The following SNAP91 variants were observed in gnomAD, a reference collection of about 807,000 sequenced individuals.
The protein encoded by SNAP91 is clathrin coat assembly protein AP180.
In SNAP91, 27 loss-of-function variants were observed where a neutral mutation model predicts 100.3. The observed-to-expected ratio is 0.27, with a 90% CI of 0.20 to 0.37. The LOEUF (loss-of-function observed/expected upper bound fraction) is 0.37. Ranked by LOEUF, SNAP91 falls within the 10% of genes least tolerant of loss-of-function variation. The probability of loss-of-function intolerance (pLI) is 1.00; values close to 1 mark genes in which losing one functional copy is unlikely to be tolerated. For missense variants in SNAP91, 986 were observed against 1,123.7 expected (o/e 0.88, Z 1.75); for synonymous variants, 404 against 398.6 (o/e 1.01, Z -0.16).
In SNAP91 at chr6:83,661,905, A is replaced by G. The variant is rs2098550445; in HGVS notation, c.350-301T>C. Among the ~76,000 whole-genome samples the G allele has an allele frequency of 2.6e-5, 4 of 152,214 alleles. No individual in the cohort carries two copies. In the South Asian group the frequency reaches 8.3e-4, roughly 31 times the overall value. ...AGTTTCAGACTTAATTCATGCAGCC[A>G]TCTGATAATGTTCCATTTGCTTGAT... On this transcript the variant is annotated intron_variant, in intron 4 of 29. Coordinates refer to ENST00000369694, the MANE Select transcript of SNAP91 (RefSeq NM_001242792.2).
intron 2 of SNAP91, among the ~76,000 whole-genome samples, chr6:83,678,457 T>C (rs755101): frequency 0.21 from 32,450 of 152,066 alleles, 4,289 homozygotes; most frequent in East Asian, 0.4. Context: ...GTTTCATAAA[T>C]GGGACTCAAA....
intron 8 of SNAP91, among the ~76,000 whole-genome samples, chr6:83,632,655 T>A (rs543101687): frequency 3.7e-4 from 57 of 152,232 alleles, no homozygotes; most frequent in Non-Finnish European, 6.5e-4. Flanking sequence ...GGTTTCTTTC[T>A]TCTACATGTT....
intron 8 of SNAP91, among the ~76,000 whole-genome samples, chr6:83,629,064 T>A (rs2097097447): frequency 6.6e-6 from 1 of 152,176 alleles, no homozygotes; most frequent in Non-Finnish European, 1.5e-5. Flanking sequence ...GAGGATCCAG[T>A]TTTATTCTCC....
intron 8 of SNAP91, among the ~76,000 whole-genome samples, chr6:83,633,897 G>T (rs1400219710): frequency 6.6e-6 from 1 of 151,238 alleles, no homozygotes; most frequent in Non-Finnish European, 1.5e-5. Context: ...TGGCCAAGAG[G>T]CTTCTCAATC....
At chr6:83,632,647 T>C (rs941186233) in intron 8 of SNAP91, among the ~76,000 whole-genome samples, 2 of 152,190 alleles carry the variant, frequency 1.3e-5, no homozygotes, top group Non-Finnish European at 2.9e-5. Flanking sequence ...GAGCTATGGG[T>C]TTCTTTCTTC....
intron 2 of SNAP91, among the ~76,000 whole-genome samples, chr6:83,695,490 A>C (rs2099193987): frequency 6.6e-6 from 1 of 152,100 alleles, no homozygotes; most frequent in Admixed American, 6.6e-5. Context: ...TCAATTTTGC[A>C]TTCTCCTATA....
intron 3 of SNAP91, 71 bp from the exon 4 acceptor site, chr6:83,662,493 C>T (rs1484952529): frequency 4.4e-5 from 25 of 562,608 alleles, no homozygotes; most frequent in Admixed American, 8.5e-5. Context: ...GACACTAAAG[C>T]GATTTTTTTT....
intron 8 of SNAP91, among the ~76,000 whole-genome samples, chr6:83,625,933 A>C (rs2096911582): frequency 1.3e-5 from 2 of 152,090 alleles, no homozygotes; most frequent in Non-Finnish European, 2.9e-5. Flanking sequence ...TTGGTCATAA[A>C]TTCTTTGCCA....
In SNAP91 at chr6:83,682,172, C is replaced by CTTT. The variant is rs59549595; in HGVS notation, c.131-16594_131-16592dup. Among the ~76,000 whole-genome samples the CTTT allele has an allele frequency of 4.5e-4, 55 of 123,482 alleles. 1 individual carries two copies. Among genetic ancestry groups the CTTT allele is most frequent in the Admixed American group, 4.3e-3 (47 of 11,058 alleles). 81.0% of individuals were successfully genotyped at this position (123,482 alleles called of 152,430 possible). On this transcript the variant is annotated intron_variant, in intron 2 of 29. Coordinates refer to ENST00000369694, the MANE Select transcript of SNAP91 (RefSeq NM_001242792.2). ...TCTACTCTGTCATTATTCTTTAATT[C>CTTT]TTTTTTTTTTTTTTTTTTTCCTTGA...
rs191690574 is a variant in SNAP91 at position 83,670,026 on chromosome 6, T to A, written c.131-4445A>T. ...GGTAATTTTCTAGAAGTAGAATAGT[T>A]GAGTCATTTTTAAGTAAACATTTAA... On this transcript the variant is annotated intron_variant, in intron 2 of 29. Coordinates refer to ENST00000369694, the MANE Select transcript of SNAP91 (RefSeq NM_001242792.2). Among the ~76,000 whole-genome samples, 132 of 152,090 alleles carry A rather than the reference T, an allele frequency of 8.7e-4. 1 individual carries two copies. The highest frequency in any genetic ancestry group is 3.4e-3 in the Middle Eastern group (1 of 294).
intron 2 of SNAP91, among the ~76,000 whole-genome samples, chr6:83,691,166 C>A (rs2099125982): frequency 6.6e-6 from 1 of 151,966 alleles, no homozygotes; most frequent in African/African-American, 2.4e-5. Context: ...TGAATTATAA[C>A]CTCCCTAAAA....
At chr6:83,698,351 T>C (rs1189144106) in intron 2 of SNAP91, among the ~76,000 whole-genome samples, 2 of 142,568 alleles carry the variant, frequency 1.4e-5, no homozygotes, top group Non-Finnish European at 3.1e-5. Context: ...AAGAAAGAAA[T>C]TGCAGAAAAC....
intron 7 of SNAP91, among the ~76,000 whole-genome samples, chr6:83,641,534 T>C (rs916394167): frequency 4.6e-5 from 7 of 152,182 alleles, no homozygotes; most frequent in Non-Finnish European, 8.8e-5. Context: ...AAATTCTTCC[T>C]AAGGATAATC....
chr6:83,688,015 T>C (rs1400800623), intron 2 of SNAP91, among the ~76,000 whole-genome samples: 1 of 152,050 alleles, frequency 6.6e-6, no homozygotes, highest in African/African-American at 2.4e-5. Flanking sequence ...GCGTGAGATA[T>C]CTAAAAATAT....
rs1481849831 is a variant in SNAP91 at position 83,623,362 on chromosome 6, G to A, written c.766-20C>T. On this transcript the variant is annotated intron_variant, in intron 8 of 29. Transcript: ENST00000369694. ...AACTTGCTGTGGATTTAAAAAATTA[G>A]AAATTAGTAGAACTTTTAAAATTAA... 6.4e-7 allele frequency: 1 copy of A among 1,563,680 alleles called. No homozygotes were observed. Among genetic ancestry groups the A allele is most frequent in the South Asian group, 1.2e-5 (1 of 86,070 alleles).
intron 22 of SNAP91, among the ~76,000 whole-genome samples, chr6:83,583,125 C>T (rs772172588): frequency 2.0e-5 from 3 of 152,162 alleles, no homozygotes; most frequent in Non-Finnish European, 2.9e-5. Flanking sequence ...ATCCGCCACT[C>T]GCAGTGTCAG....
intron 2 of SNAP91, among the ~76,000 whole-genome samples, chr6:83,675,827 AACACAC>A (rs373927158): frequency 2.2e-4 from 30 of 138,286 alleles, no homozygotes; most frequent in African/African-American, 3.8e-4. Flanking sequence ...CACTTGAAGG[AACACAC>A]ACACACACAC....
chr6:83,612,059 A>C (rs1258926112), intron 11 of SNAP91, among the ~76,000 whole-genome samples: 1 of 151,882 alleles, frequency 6.6e-6, no homozygotes, highest in Non-Finnish European at 1.5e-5. Context: ...ATTTGCAAAT[A>C]CATGCCTGCC....
intron 22 of SNAP91, among the ~76,000 whole-genome samples, chr6:83,585,530 TA>T (rs762315224): frequency 1.1e-3 from 57 of 49,732 alleles, no homozygotes; most frequent in Middle Eastern, 5.7e-3. Context: ...CCTTGTTGCT[TA>T]AAAAAAAAAA....
Sources: gnomAD v4.1 joint callset for allele counts (sites outside exome capture counted in the v4.1 genomes callset) on GRCh38, gnomAD v4.1.1 for gene constraint, MANE v1.5 for transcripts, NCBI Gene and HGNC (gene_info 2026-07-23, HGNC 2026-07-21) for gene names.